The following TTC28 variants were observed in gnomAD, a reference collection of about 807,000 sequenced individuals.
TTC28 encodes the protein tetratricopeptide repeat protein 28.
TTC28 carries 61 observed loss-of-function variants against 198.0 expected under a neutral mutation model. The observed-to-expected ratio is 0.31, with a 90% CI of 0.25 to 0.38. The LOEUF (loss-of-function observed/expected upper bound fraction) is 0.38, where lower values mean the gene tolerates loss of function less well. Among genes scored for constraint, TTC28 ranks in the 10% least tolerant of loss-of-function variants. The pLI is 1.00. For synonymous variants in TTC28, 1,171 were observed against 1,297.8 expected (o/e 0.90, Z 2.10); for missense variants, 2,678 against 3,164.0 (o/e 0.85, Z 3.69).
At chr22:28,401,901 G>A (rs2046915626) in intron 2 of TTC28, among the ~76,000 whole-genome samples, 1 of 152,154 alleles carries the variant, frequency 6.6e-6, no homozygotes, top group African/African-American at 2.4e-5. Flanking sequence ...AAAGTTCCAT[G>A]CATTTAATTC....
At chr22:28,426,576 G>GA (rs1410806123) in intron 2 of TTC28, among the ~76,000 whole-genome samples, 1 of 152,054 alleles carries the variant, frequency 6.6e-6, no homozygotes, top group Non-Finnish European at 1.5e-5. Flanking sequence ...AGTTCCTAAG[G>GA]AACTAGGAAT....
chr22:28,451,597 A>C (rs2047778586), intron 2 of TTC28, among the ~76,000 whole-genome samples: 1 of 152,230 alleles, frequency 6.6e-6, no homozygotes, highest in Non-Finnish European at 1.5e-5. Context: ...GTTAACAAGA[A>C]AAAGAAATTT....
chr22:28,055,132 A>G (rs1940232061), intron 12 of TTC28, among the ~76,000 whole-genome samples: 1 of 152,238 alleles, frequency 6.6e-6, no homozygotes. Context: ...GTTAAAAAGC[A>G]GTGAAAAACA....
chr22:28,203,517 A>G (rs991050556), intron 5 of TTC28, among the ~76,000 whole-genome samples: 1 of 152,128 alleles, frequency 6.6e-6, no homozygotes, highest in Non-Finnish European at 1.5e-5. Flanking sequence ...GATAATTTCC[A>G]GGTCAAGTCT....
At chr22:28,609,409 C>T (rs2146143816) in intron 2 of TTC28, among the ~76,000 whole-genome samples, 1 of 152,282 alleles carries the variant, frequency 6.6e-6, no homozygotes, top group Admixed American at 6.5e-5. Context: ...ACTCGTTGGA[C>T]AGTGGGTGCA....
intron 2 of TTC28, among the ~76,000 whole-genome samples, chr22:28,496,213 T>C (rs1325439480): frequency 6.6e-6 from 1 of 152,142 alleles, no homozygotes; most frequent in Non-Finnish European, 1.5e-5. Flanking sequence ...TTATACTCCA[T>C]TCATTTGTGT....
intron 2 of TTC28, among the ~76,000 whole-genome samples, chr22:28,381,597 T>C (rs1272305479): frequency 1.3e-5 from 2 of 152,146 alleles, no homozygotes; most frequent in Non-Finnish European, 1.5e-5. Context: ...CTAAAATCAC[T>C]GCTCGCAAGT....
intron 6 of TTC28, among the ~76,000 whole-genome samples, chr22:28,140,168 A>C (rs1345483417): frequency 6.6e-6 from 1 of 152,202 alleles, no homozygotes; most frequent in African/African-American, 2.4e-5. Context: ...TGATTCATAA[A>C]GCACTGTACA....
intron 5 of TTC28, among the ~76,000 whole-genome samples, chr22:28,281,412 ATAT>A (rs1380483186): frequency 8.6e-5 from 13 of 151,994 alleles, no homozygotes; most frequent in Non-Finnish European, 1.8e-4. Flanking sequence ...TTGATTTTAA[ATAT>A]TATATTTTTC....
At chr22:28,243,499 A>T (rs1929842989) in intron 5 of TTC28, among the ~76,000 whole-genome samples, 2 of 151,828 alleles carry the variant, frequency 1.3e-5, no homozygotes, top group African/African-American at 4.8e-5. Flanking sequence ...TAGAAATTTA[A>T]GACTGGTATT....
rs2049960885 is a variant in TTC28 at position 28,565,980 on chromosome 22, G to C, written c.381+63572C>G. Among the ~76,000 whole-genome samples, 3 of 152,256 alleles carry C rather than the reference G, an allele frequency of 2.0e-5. No individual in the cohort carries two copies. The South Asian group carries it at 6.2e-4, about 32-fold the overall frequency. ...AAAATCAAAAGTAGGAGAGAGTTTT[G>C]CCTAGCTCCACATGTGAAACACTGC... On this transcript the variant is annotated intron_variant, in intron 2 of 22. Coordinates refer to ENST00000397906, the MANE Select transcript of TTC28 (RefSeq NM_001145418.2).
intron 5 of TTC28, among the ~76,000 whole-genome samples, chr22:28,278,046 T>G (rs2044504379): frequency 6.6e-6 from 1 of 152,172 alleles, no homozygotes; most frequent in South Asian, 2.1e-4. Context: ...AGGTTATACC[T>G]GTTTCTCAGT....
intron 5 of TTC28, among the ~76,000 whole-genome samples, chr22:28,265,873 G>C (rs1931648380): frequency 6.6e-6 from 1 of 152,016 alleles, no homozygotes; most frequent in South Asian, 2.1e-4. Context: ...TTCAGGGATG[G>C]CAATACTTAT....
chr22:28,099,461 T>C (rs763229510), intron 9 of TTC28, among the ~76,000 whole-genome samples: 7 of 152,198 alleles, frequency 4.6e-5, no homozygotes, highest in Non-Finnish European at 1.0e-4. Context: ...AGTAAAGCCA[T>C]GGTGAAACTG....
At chr22:28,621,742 T>TAAAAAAAAAAAAAAA (rs771463983) in intron 2 of TTC28, among the ~76,000 whole-genome samples, 1 of 76,160 alleles carries the variant, frequency 1.3e-5, no homozygotes, top group African/African-American at 5.0e-5. Context: ...GACTGTCTCT[T>TAAAAAAAAAAAAAAA]AAAAAAAAAA....
intron 1 of TTC28, among the ~76,000 whole-genome samples, chr22:28,652,218 A>G (rs1023713054): frequency 2.0e-5 from 3 of 152,222 alleles, no homozygotes; most frequent in Non-Finnish European, 4.4e-5. Flanking sequence ...AAACAGAAGC[A>G]TATATGTGAA....
At chr22:28,178,627 A>T (rs1923405159) in intron 5 of TTC28, among the ~76,000 whole-genome samples, 1 of 152,226 alleles carries the variant, frequency 6.6e-6, no homozygotes, top group Non-Finnish European at 1.5e-5. Context: ...GAAGGCATTT[A>T]TACCTGGGAG....
chr22:28,575,787 T>G (rs2050137862), intron 2 of TTC28, among the ~76,000 whole-genome samples: 1 of 152,152 alleles, frequency 6.6e-6, no homozygotes, highest in Non-Finnish European at 1.5e-5. Flanking sequence ...GATTACTTTT[T>G]TTATTGCTTT....
intron 5 of TTC28, among the ~76,000 whole-genome samples, chr22:28,253,029 A>G (rs1034629335): frequency 1.3e-5 from 2 of 152,198 alleles, no homozygotes; most frequent in Non-Finnish European, 2.9e-5. Flanking sequence ...GGTTACACAG[A>G]TATTTCAGAG....
Sources: gnomAD v4.1 joint callset for allele counts (sites outside exome capture counted in the v4.1 genomes callset) on GRCh38, gnomAD v4.1.1 for gene constraint, MANE v1.5 for transcripts, NCBI Gene and HGNC (gene_info 2026-07-23, HGNC 2026-07-21) for gene names.